TRIM21: variants seen among roughly 807,000 people sequenced by gnomAD.
The protein encoded by TRIM21 is E3 ubiquitin-protein ligase TRIM21.
A neutral mutation model predicts 36.1 loss-of-function variants in TRIM21; 35 were observed. The observed-to-expected ratio is 0.97, with a 90% CI of 0.74 to 1.28. The LOEUF is 1.28. Ranked by LOEUF, TRIM21 falls within the 50% of genes most tolerant of loss-of-function variation. TRIM21 has a pLI of 0.00. For synonymous variants in TRIM21, 256 were observed against 211.5 expected, an observed-to-expected ratio of 1.21 and a Z score of -1.83; for missense variants, 635 against 570.7, an observed-to-expected ratio of 1.11 and a Z score of -1.15.
intron 1 of TRIM21, among the ~76,000 whole-genome samples, chr11:4,393,187 G>C (rs1234868005): frequency 6.6e-6 from 1 of 152,158 alleles, no homozygotes; most frequent in Admixed American, 6.5e-5. Flanking sequence ...ACCTCTGGAG[G>C]ACTTTTGGAC....
intron 4 of TRIM21, among the ~76,000 whole-genome samples, 155 bp downstream of exon 4, chr11:4,388,145 C>A (rs970787715): frequency 1.3e-5 from 2 of 152,248 alleles, no homozygotes; most frequent in Non-Finnish European, 1.5e-5. Flanking sequence ...CTTTACTTTG[C>A]GTCTTGAACG....
At chr11:4,388,671 A>ACG in intron 3 of TRIM21, 141 bp from the exon 4 acceptor site, 8 of 755,600 alleles carry the variant, frequency 1.1e-5, no homozygotes, top group South Asian at 8.4e-5. Context: ...GCACACGCAC[A>ACG]CGCGCGCACA....
At position 4,389,991 on chromosome 11, in the gene TRIM21, T is replaced by C. The variant is rs1287731951; in HGVS notation, c.408+11A>G. 1 of 1,612,664 alleles carries C rather than the reference T, an allele frequency of 6.2e-7. No homozygotes were observed. The highest frequency in any genetic ancestry group is 1.1e-5 in the South Asian group (1 of 90,952). On this transcript the variant is annotated intron_variant, in intron 2 of 6. Transcript: ENST00000254436. The stretch of plus-strand genomic sequence containing the variant: ...AAACGAAGCACTCACCAGGTGTCTC[T>C]TAGGCCTCACCTGGTACTCCTGTGC...
chr11:4,388,370 C>G lies in TRIM21; in HGVS notation c.665G>C (p.Ser222Thr). The change falls in exon 4 of 7, where the codon AGC (serine) becomes ACC (threonine). Residue 222 changes from serine (S) to threonine (T), a missense_variant. Coordinates refer to ENST00000254436, the MANE Select transcript of TRIM21 (RefSeq NM_003141.4). ...GEKEAKLAQQ[S>T]QALQELISEL... ...TGAGATGAGCTCCTGTAGGGCCTGG[C>G]TCTGCTGGGCCAGCTTGGCCTCTTT... The G allele has an allele frequency of 6.2e-7, 1 of 1,613,972 alleles. No individual in the cohort carries two copies.
rs1042774329 is a variant in TRIM21 at position 4,385,010 on chromosome 11, A to T, written c.*275T>A. On this transcript the variant is annotated 3_prime_UTR_variant, in exon 7 of 7. Transcript: ENST00000254436. ...CCTAGAGATGGAGAGGAGAAAAAAAAAACTTAAGTCCCATAAAGAAGGCAG... is the reference window on the plus strand; with the variant it reads ...CCTAGAGATGGAGAGGAGAAAAAAATAACTTAAGTCCCATAAAGAAGGCAG... The T allele has an allele frequency of 1.8e-5, 7 of 396,134 alleles. No homozygotes were observed. The highest frequency in any genetic ancestry group is 1.2e-4 in the African/African-American group (6 of 48,610). The allele number at this position is 396,134 out of a possible 1,614,324, so 24.5% of individuals were successfully genotyped here.
At position 4,385,934 on chromosome 11, in the gene TRIM21, A is replaced by C. The variant is rs960364188; in HGVS notation, c.860-81T>G. On this transcript the variant is annotated intron_variant, in intron 6 of 6. Transcript: ENST00000254436. ...GCCTGTGGTGGGGGGATTTTGTGTA[A>C]ACTCCAGGGTAAGCATGAGGGGTGA... 7 of 1,386,100 alleles carry C rather than the reference A, an allele frequency of 5.1e-6. No individual in the cohort carries two copies. The African/African-American group carries it at 1.0e-4, about 20-fold the overall frequency. 85.9% of individuals were successfully genotyped at this position (1,386,100 alleles called of 1,614,324 possible).
intron 3 of TRIM21, 130 bp from the exon 4 acceptor site, chr11:4,388,660 TGCACAC>T: frequency 2.3e-6 from 2 of 857,642 alleles, no homozygotes; most frequent in South Asian, 1.6e-5. Context: ...CACACACACA[TGCACAC>T]GCACACGCGC....
chr11:4,388,670 C>T (rs1029796276), intron 3 of TRIM21, 140 bp from the exon 4 acceptor site: 1 of 760,034 alleles, frequency 1.3e-6, no homozygotes, highest in Non-Finnish European at 2.2e-6. Context: ...TGCACACGCA[C>T]ACGCGCGCAC....
In TRIM21 at chr11:4,390,471, A is replaced by T; in HGVS notation, c.-49-13T>A. The T allele has an allele frequency of 2.0e-6, 3 of 1,496,394 alleles. No individual in the cohort carries two copies. 92.7% of individuals were successfully genotyped at this position (1,496,394 alleles called of 1,614,324 possible). ...TTAGGGGGTTTGGCTGGGAGAGAAGAAGAAAGGGAAAAGAGAATATGAGAA... is the reference window on the plus strand; with the variant it reads ...TTAGGGGGTTTGGCTGGGAGAGAAGTAGAAAGGGAAAAGAGAATATGAGAA... On this transcript the variant is annotated splice_polypyrimidine_tract_variant and intron_variant, in intron 1 of 6. Transcript: ENST00000254436.
In TRIM21 at chr11:4,388,350, T is replaced by C. The variant is rs1010202393; in HGVS notation, c.685A>G (p.Ile229Val). 5 of 1,613,900 alleles carry C rather than the reference T, an allele frequency of 3.1e-6. No individual in the cohort carries two copies. The African/African-American group carries it at 6.7e-5, about 22-fold the overall frequency. ...AQQSQALQEL[I>V]SELDRRCHSS... The stretch of plus-strand genomic sequence containing the variant: ...TGGCACCTTCGATCTAGCTCTGAGA[T>C]GAGCTCCTGTAGGGCCTGGCTCTGC... Residue 229 changes from isoleucine to valine, a missense_variant, in exon 4 of 7, where the codon ATC becomes GTC. Coordinates refer to ENST00000254436, the MANE Select transcript of TRIM21 (RefSeq NM_003141.4).
chr11:4,386,851 GA>G, intron 5 of TRIM21, 116 bp downstream of exon 5: 1 of 1,071,246 alleles, frequency 9.3e-7, no homozygotes, highest in African/African-American at 1.6e-5. Context: ...AAGTTTTTGA[GA>G]ATAGGAAGCC....
intron 3 of TRIM21, 50 bp from the exon 4 acceptor site, chr11:4,388,580 G>A: frequency 3.2e-6 from 5 of 1,566,134 alleles, no homozygotes; most frequent in Non-Finnish European, 3.5e-6. Flanking sequence ...AATCTCCCAA[G>A]CTTTGGGAAT....
In TRIM21 at chr11:4,385,667, G is replaced by A. The variant is rs1314883405; in HGVS notation, c.1046C>T (p.Thr349Ile). ...SGKHYWEVDV[T>I]GKEAWDLGVC... Reference sequence around the variant, plus strand: ...ACCCAGGTCCCAGGCCTCCTTTCCTGTCACATCTACCTCCCAGTAATGTTT... The same window carrying A: ...ACCCAGGTCCCAGGCCTCCTTTCCTATCACATCTACCTCCCAGTAATGTTT... The change falls in exon 7 of 7, where the codon ACA (threonine) becomes ATA (isoleucine). Residue 349 changes from threonine (T) to isoleucine (I), a missense_variant. Transcript: ENST00000254436. The A allele has an allele frequency of 6.2e-7, 1 of 1,613,132 alleles. No individual in the cohort carries two copies. Among genetic ancestry groups the A allele is most frequent in the African/African-American group, 1.3e-5 (1 of 74,906 alleles).
At chr11:4,387,817 G>C (rs1306618530) in intron 4 of TRIM21, among the ~76,000 whole-genome samples, 1 of 149,300 alleles carries the variant, frequency 6.7e-6, no homozygotes, top group African/African-American at 2.5e-5. Flanking sequence ...GGCAACAAGA[G>C]TGAAACTCTG....
In TRIM21 at chr11:4,389,978, C is replaced by T. The variant is rs2094960951; in HGVS notation, c.408+24G>A. 4.4e-6 allele frequency: 7 copies of T among 1,608,774 alleles called. No individual in the cohort carries two copies. The South Asian group carries it at 4.4e-5, about 10-fold the overall frequency. On this transcript the variant is annotated intron_variant, in intron 2 of 6. Coordinates refer to ENST00000254436, the MANE Select transcript of TRIM21 (RefSeq NM_003141.4). ...TTCCCTGCTCTGAAAACGAAGCACTCACCAGGTGTCTCTTAGGCCTCACCT... is the reference window on the plus strand; with the variant it reads ...TTCCCTGCTCTGAAAACGAAGCACTTACCAGGTGTCTCTTAGGCCTCACCT...
rs199774486 is a variant in TRIM21, at chr11:4,390,297, T to C, written c.113A>G (p.Glu38Gly). 3,782 of 1,613,864 alleles carry C rather than the reference T, an allele frequency of 2.3e-3. 9 individuals carry two copies. The highest frequency in any genetic ancestry group is 3.3e-3 in the South Asian group (300 of 91,074). ...SIECGHSFCQECISQVGKGGG... is the reference protein window; with the variant it reads ...SIECGHSFCQGCISQVGKGGG... ...ACCTTTCCCAACCTGAGAGATGCATTCCTGGCAGAAGCTGTGGCCACACTC... is the reference window on the plus strand; with the variant it reads ...ACCTTTCCCAACCTGAGAGATGCATCCCTGGCAGAAGCTGTGGCCACACTC... Residue 38 changes from glutamate to glycine, a missense_variant, in exon 2 of 7, where the codon GAA (glutamate) becomes GGA (glycine). Coordinates refer to ENST00000254436, the MANE Select transcript of TRIM21 (RefSeq NM_003141.4).
At position 4,390,334 on chromosome 11, in the gene TRIM21, G is replaced by GCTC. The variant is rs1256500646; in HGVS notation, c.73_75dup (p.Glu25dup). ...CTGTGGCCACACTCGATGCTCACAG[G>GCTC]CTCCACGAAGGGGTCCAGGCAGATA... On this transcript the variant is annotated inframe_insertion, in exon 2 of 7. Transcript: ENST00000254436. 6.2e-7 allele frequency: 1 copy of GCTC among 1,613,960 alleles called. No individual in the cohort carries two copies. The highest frequency in any genetic ancestry group is 8.5e-7 in the Non-Finnish European group (1 of 1,179,892).
intron 3 of TRIM21, among the ~76,000 whole-genome samples, chr11:4,389,131 C>G (rs77872384): frequency 6.6e-6 from 1 of 152,204 alleles, no homozygotes; most frequent in African/African-American, 2.4e-5. Flanking sequence ...CTTCTCCCCT[C>G]TCATCCCTGA....
chr11:4,388,535 A>G lies in TRIM21; in HGVS notation c.505-5T>C. ...TTTCTGTGTTTCCACTGTTTTCTTT[A>G]GTGTCAAGGGAAAGGGAGAGGTGGT... On this transcript the variant is annotated splice_region_variant and splice_polypyrimidine_tract_variant and intron_variant, in intron 3 of 6. Transcript: ENST00000254436. 1 of 1,605,486 alleles carries G rather than the reference A, an allele frequency of 6.2e-7. No homozygotes were observed. Among genetic ancestry groups the G allele is most frequent in the Non-Finnish European group, 8.5e-7 (1 of 1,179,582 alleles).
Sources: gnomAD v4.1 joint callset for allele counts (sites outside exome capture counted in the v4.1 genomes callset) on GRCh38, gnomAD v4.1.1 for gene constraint, MANE v1.5 for transcripts, NCBI Gene and HGNC (gene_info 2026-07-23, HGNC 2026-07-21) for gene names.